The following CCSER2 variants were observed in gnomAD, a reference collection of about 807,000 sequenced individuals.
CCSER2 encodes coiled-coil serine rich protein 2.
Under a neutral mutation model 92.3 loss-of-function variants are expected in CCSER2, and 46 were observed. The ratio of observed to expected loss-of-function variants is 0.50; its 90% confidence interval spans 0.39 to 0.64. CCSER2 has a LOEUF of 0.64. Ranked by LOEUF, CCSER2 falls within the 30% of genes least tolerant of loss-of-function variation. The pLI, the probability that CCSER2 is intolerant of heterozygous loss-of-function variation, is 0.00. For synonymous variants in CCSER2, 433 were observed against 431.4 expected, an observed-to-expected ratio of 1.00 and a Z score of -0.04; for missense variants, 1,244 against 1,238.9, an observed-to-expected ratio of 1.00 and a Z score of -0.06.
intron 1 of CCSER2, among the ~76,000 whole-genome samples, chr10:84,343,234 A>C (rs1844302974): frequency 6.6e-6 from 1 of 152,108 alleles, no homozygotes; most frequent in Non-Finnish European, 1.5e-5. Flanking sequence ...TAGTCAGCTA[A>C]TTTTCCCATC....
intron 1 of CCSER2, among the ~76,000 whole-genome samples, chr10:84,358,346 C>T (rs1466427972): frequency 1.3e-5 from 2 of 151,974 alleles, no homozygotes; most frequent in Non-Finnish European, 2.9e-5. Flanking sequence ...CTGTGCCAAG[C>T]ATGTATAAAC....
intron 1 of CCSER2, among the ~76,000 whole-genome samples, chr10:84,355,247 C>T (rs570238953): frequency 6.6e-6 from 1 of 152,132 alleles, no homozygotes; most frequent in South Asian, 2.1e-4. Context: ...ATAAGCCACT[C>T]TGTAGGCTGT....
At chr10:84,392,382 T>C (rs1841576168) in intron 3 of CCSER2, among the ~76,000 whole-genome samples, 1 of 149,098 alleles carries the variant, frequency 6.7e-6, no homozygotes, top group South Asian at 2.1e-4. Context: ...TGTGGAATAT[T>C]ATGGAGAATT....
At chr10:84,401,774 T>C (rs1842131282) in intron 3 of CCSER2, among the ~76,000 whole-genome samples, 1 of 152,236 alleles carries the variant, frequency 6.6e-6, no homozygotes, top group African/African-American at 2.4e-5. Context: ...AACATCGTAG[T>C]GCATGCTTGT....
At chr10:84,378,042 G>A (rs561260706) in intron 3 of CCSER2, among the ~76,000 whole-genome samples, 8 of 152,214 alleles carry the variant, frequency 5.3e-5, no homozygotes, top group Admixed American at 1.3e-4. Flanking sequence ...CCACCCCAGC[G>A]CTTGCCCTAT....
chr10:84,514,652 T>TC lies in CCSER2; in HGVS notation c.*386dup. On this transcript the variant is annotated 3_prime_UTR_variant, in exon 10 of 10. Transcript: ENST00000372088. ...GTGGTTGTCAGAACCTCACCCCTTT[T>TC]CACTTGTCTCTCCTGTGAATATGGC... is the stretch of plus-strand genomic sequence containing the variant. 1 of 182,328 alleles carries TC rather than the reference T, an allele frequency of 5.5e-6. No individual in the cohort carries two copies. The highest frequency in any genetic ancestry group is 1.4e-4 in the South Asian group (1 of 7,250). The allele number at this position is 182,328 out of a possible 1,614,324, so 11.3% of individuals were successfully genotyped here.
intron 9 of CCSER2, among the ~76,000 whole-genome samples, chr10:84,486,682 C>G (rs1219124383): frequency 1.3e-5 from 2 of 152,010 alleles, no homozygotes; most frequent in Non-Finnish European, 2.9e-5. Flanking sequence ...ATTTTCTCCC[C>G]TTCTGTAGGT....
At chr10:84,388,313 A>C (rs1448454393) in intron 3 of CCSER2, among the ~76,000 whole-genome samples, 1 of 152,208 alleles carries the variant, frequency 6.6e-6, no homozygotes, top group Non-Finnish European at 1.5e-5. Context: ...TTTGTGATCC[A>C]TAAGGTTATT....
At chr10:84,503,608 A>G (rs1848887105) in intron 9 of CCSER2, among the ~76,000 whole-genome samples, 1 of 152,222 alleles carries the variant, frequency 6.6e-6, no homozygotes, top group South Asian at 2.1e-4. Flanking sequence ...TTGCCAGAGC[A>G]TGTACTTACA....
chr10:84,419,070 G>A (rs1843012122), intron 4 of CCSER2, among the ~76,000 whole-genome samples: 1 of 152,036 alleles, frequency 6.6e-6, no homozygotes, highest in South Asian at 2.1e-4. Context: ...ATTTACAGAA[G>A]TTTCCAGATA....
intron 1 of CCSER2, among the ~76,000 whole-genome samples, chr10:84,351,429 G>A (rs1326719524): frequency 1.3e-5 from 2 of 151,926 alleles, no homozygotes; most frequent in Non-Finnish European, 2.9e-5. Context: ...ATGAGGTTTC[G>A]TCCTGTTGGC....
chr10:84,496,153 C>G (rs1343342704), intron 9 of CCSER2, among the ~76,000 whole-genome samples: 1 of 152,122 alleles, frequency 6.6e-6, no homozygotes, highest in Non-Finnish European at 1.5e-5. Context: ...CATGTAGAAA[C>G]TTTATGTCCT....
Position 84,499,932 on chromosome 10 carries a change from C to T in CCSER2, c.2326-13517C>T, listed in dbSNP as rs758144670. The T allele has an allele frequency of 1.1e-5, 17 of 1,613,810 alleles. No homozygotes were observed. The highest frequency in any genetic ancestry group is 6.7e-5 in the African/African-American group (5 of 75,032). On this transcript the variant is annotated intron_variant, in intron 9 of 9. Coordinates refer to ENST00000372088, the MANE Select transcript of CCSER2 (RefSeq NM_001284240.2). ...GCAGGGCTCCTTCCAGGGGATCCCACGGACTGTTCCACCGCACCGCAGACA... is the reference window on the plus strand; with the variant it reads ...GCAGGGCTCCTTCCAGGGGATCCCATGGACTGTTCCACCGCACCGCAGACA...
intron 7 of CCSER2, among the ~76,000 whole-genome samples, chr10:84,469,976 C>A (rs1846680938): frequency 6.7e-6 from 1 of 149,394 alleles, no homozygotes; most frequent in South Asian, 2.1e-4. Context: ...TCTTATGTAT[C>A]CCTTGAAGTC....
Position 84,513,548 on chromosome 10 carries a change from T to A in CCSER2, c.2425T>A (p.Ser809Thr). 1 of 1,614,070 alleles carries A rather than the reference T, an allele frequency of 6.2e-7. No individual in the cohort carries two copies. ...PQRIEARSECSIQDMHQGGAH... is the reference protein window; with the variant it reads ...PQRIEARSECTIQDMHQGGAH... ...ACGTATCGAGGCCCGCAGTGAATGC[T>A]CAATCCAAGACATGCATCAGGGCGG... Residue 809 changes from serine to threonine, a missense_variant, in exon 10 of 10, where the codon TCA (serine) becomes ACA (threonine). Physicochemically the swap from Ser to Thr is moderately conservative, Grantham distance 58 (BLOSUM62 1). Transcript: ENST00000372088.
At chr10:84,453,488 A>T (rs2133597145) in intron 6 of CCSER2, among the ~76,000 whole-genome samples, 1 of 152,328 alleles carries the variant, frequency 6.6e-6, no homozygotes, top group Non-Finnish European at 1.5e-5. Flanking sequence ...TGTGAACCGT[A>T]GTTTGTTAAT....
intron 8 of CCSER2, among the ~76,000 whole-genome samples, chr10:84,472,423 T>G (rs113457573): frequency 1.3e-5 from 2 of 152,004 alleles, no homozygotes; most frequent in African/African-American, 4.8e-5. Flanking sequence ...ACAAAAAATT[T>G]AGCTGGTTGT....
chr10:84,470,072 A>G (rs1374128673), intron 7 of CCSER2, among the ~76,000 whole-genome samples: 7 of 145,290 alleles, frequency 4.8e-5, no homozygotes, highest in Non-Finnish European at 1.1e-4. Flanking sequence ...TCTTATATGT[A>G]AAAAAGGATT....
intron 2 of CCSER2, among the ~76,000 whole-genome samples, chr10:84,372,744 G>C (rs1355482026): frequency 6.6e-6 from 1 of 152,068 alleles, no homozygotes; most frequent in Admixed American, 6.6e-5. Flanking sequence ...TATATGCAGT[G>C]CTTCTAAATG....
Sources: gnomAD v4.1 joint callset for allele counts (sites outside exome capture counted in the v4.1 genomes callset) on GRCh38, gnomAD v4.1.1 for gene constraint, MANE v1.5 for transcripts, NCBI Gene and HGNC (gene_info 2026-07-23, HGNC 2026-07-21) for gene names.